The following FOXP2 variants were observed in gnomAD, a reference collection of about 807,000 sequenced individuals.
FOXP2 encodes forkhead box P2, also known as forkhead box protein P2.
FOXP2 carries 12 observed loss-of-function variants against 115.8 expected under a neutral mutation model. The ratio of observed to expected loss-of-function variants is 0.10; its 90% CI spans 0.07 to 0.17. FOXP2 has a LOEUF of 0.17. Among genes scored for constraint, FOXP2 ranks in the 10% least tolerant of loss-of-function variants. The pLI, the probability that FOXP2 is intolerant of heterozygous loss-of-function variation, is 1.00. For missense variants in FOXP2, 629 were observed against 843.5 expected, an observed-to-expected ratio of 0.75 and a Z score of 3.15; for synonymous variants, 328 against 297.7, an observed-to-expected ratio of 1.10 and a Z score of -1.05.
intron 3 of FOXP2, among the ~76,000 whole-genome samples, chr7:114,545,616 A>C (rs1160520878): frequency 6.6e-6 from 1 of 152,168 alleles, no homozygotes; most frequent in African/African-American, 2.4e-5. Context: ...CAATCAATAG[A>C]TTGATAGTTG....
At chr7:114,554,708 A>G (rs1212359642) in intron 3 of FOXP2, among the ~76,000 whole-genome samples, 1 of 152,150 alleles carries the variant, frequency 6.6e-6, no homozygotes, top group Non-Finnish European at 1.5e-5. Context: ...ATCTTTATAG[A>G]TCTAAACTGT....
intron 1 of FOXP2, among the ~76,000 whole-genome samples, chr7:114,115,477 C>T (rs183996889): frequency 1.3e-5 from 2 of 152,224 alleles, no homozygotes; most frequent in Admixed American, 6.5e-5. Flanking sequence ...TCTCCTTTCC[C>T]CTGGCTCTCT....
intron 2 of FOXP2, among the ~76,000 whole-genome samples, chr7:114,483,406 A>G (rs1796639714): frequency 6.6e-6 from 1 of 151,614 alleles, no homozygotes; most frequent in South Asian, 2.1e-4. Flanking sequence ...TCTCACAACC[A>G]ATCTCAAGAT....
chr7:114,493,408 T>C (rs1046159710), intron 2 of FOXP2, among the ~76,000 whole-genome samples: 1 of 152,120 alleles, frequency 6.6e-6, no homozygotes, highest in African/African-American at 2.4e-5. Flanking sequence ...ATATAAACTA[T>C]GGACTTTGGG....
intron 1 of FOXP2, among the ~76,000 whole-genome samples, chr7:114,191,555 A>G (rs982501262): frequency 6.6e-6 from 1 of 152,236 alleles, no homozygotes; most frequent in African/African-American, 2.4e-5. Context: ...AAATATTTGT[A>G]CTGAAGAATT....
At chr7:114,387,959 C>A (rs1792494523) in intron 2 of FOXP2, among the ~76,000 whole-genome samples, 1 of 152,142 alleles carries the variant, frequency 6.6e-6, no homozygotes. Flanking sequence ...TCATTTTCAA[C>A]TGTATTTTTC....
chr7:114,435,474 G>T (rs1161994716), intron 2 of FOXP2, among the ~76,000 whole-genome samples: 1 of 152,116 alleles, frequency 6.6e-6, no homozygotes, highest in Non-Finnish European at 1.5e-5. Context: ...GGGAGATGAG[G>T]TTGGAATAGG....
chr7:114,351,205 C>T (rs1451784688), intron 2 of FOXP2, among the ~76,000 whole-genome samples: 3 of 151,936 alleles, frequency 2.0e-5, no homozygotes, highest in African/African-American at 7.3e-5. Flanking sequence ...GGGATTTGAC[C>T]AATACAATAA....
chr7:114,547,175 G>T (rs1412967151), intron 3 of FOXP2, among the ~76,000 whole-genome samples: 2 of 152,010 alleles, frequency 1.3e-5, no homozygotes, highest in Non-Finnish European at 2.9e-5. Context: ...TATTTCTAAT[G>T]ATTCCTTTTC....
At chr7:114,648,598 A>G (rs572178658) in intron 8 of FOXP2, among the ~76,000 whole-genome samples, 2 of 152,206 alleles carry the variant, frequency 1.3e-5, no homozygotes, top group African/African-American at 2.4e-5. Flanking sequence ...TTCATTAAAG[A>G]GAATTATGCA....
chr7:114,544,816 A>G (rs1452843309), intron 3 of FOXP2, among the ~76,000 whole-genome samples: 1 of 152,222 alleles, frequency 6.6e-6, no homozygotes. Context: ...TATGACTAAA[A>G]TTATAGTTTC....
intron 2 of FOXP2, among the ~76,000 whole-genome samples, chr7:114,387,551 A>G (rs936839534): frequency 3.3e-5 from 5 of 152,154 alleles, no homozygotes; most frequent in Non-Finnish European, 7.4e-5. Context: ...ATTTGGCCAA[A>G]TAAGTGTATG....
intron 3 of FOXP2, among the ~76,000 whole-genome samples, chr7:114,568,282 G>A (rs1301096324): frequency 6.6e-6 from 1 of 151,712 alleles, no homozygotes; most frequent in Admixed American, 6.6e-5. Context: ...TGATAGGAGT[G>A]TTTTGGTTAG....
intron 2 of FOXP2, among the ~76,000 whole-genome samples, chr7:114,467,917 G>T (rs1795882189): frequency 6.6e-6 from 1 of 151,990 alleles, no homozygotes; most frequent in Admixed American, 6.6e-5. Context: ...ACATCCCTTT[G>T]TCTGTTGGTT....
At chr7:114,189,720 A>AT (rs959239707) in intron 1 of FOXP2, among the ~76,000 whole-genome samples, 1 of 152,124 alleles carries the variant, frequency 6.6e-6, no homozygotes, top group Non-Finnish European at 1.5e-5. Context: ...AATTTAGGCA[A>AT]TTTTTTAAGA....
intron 1 of FOXP2, among the ~76,000 whole-genome samples, chr7:114,117,155 A>G (rs924614689): frequency 6.6e-6 from 1 of 151,674 alleles, no homozygotes; most frequent in African/African-American, 2.4e-5. Flanking sequence ...ACATTCTTTT[A>G]TTTATTATAG....
chr7:114,170,996 G>A (rs1793121751), intron 1 of FOXP2, among the ~76,000 whole-genome samples: 1 of 152,338 alleles, frequency 6.6e-6, no homozygotes, highest in South Asian at 2.1e-4. Context: ...AGAGAAGTGA[G>A]GTCAGTGCCT....
intron 1 of FOXP2, among the ~76,000 whole-genome samples, chr7:114,149,511 G>C (rs929268420): frequency 1.3e-5 from 2 of 152,086 alleles, no homozygotes; most frequent in Non-Finnish European, 2.9e-5. Context: ...TAGCTCACCT[G>C]CACTATTTGC....
At chr7:114,550,878 A>T (rs1305977620) in intron 3 of FOXP2, among the ~76,000 whole-genome samples, 1 of 152,242 alleles carries the variant, frequency 6.6e-6, no homozygotes, top group African/African-American at 2.4e-5. Context: ...TTTGAGAACC[A>T]AATAAGAAAT....
Sources: allele counts gnomAD v4.1 joint callset (sites outside exome capture counted in the v4.1 genomes callset), GRCh38; gene constraint gnomAD v4.1.1; transcripts MANE v1.5; gene names NCBI Gene and HGNC (gene_info 2026-07-23, HGNC 2026-07-21).